The following MND1 variants were observed in gnomAD, a reference collection of about 807,000 sequenced individuals.
MND1 encodes the protein meiotic nuclear divisions 1.
MND1 carries 28 observed loss-of-function variants against 35.1 expected under a neutral mutation model. The ratio of observed to expected loss-of-function variants is 0.80; its 90% CI spans 0.59 to 1.09. MND1 has a LOEUF of 1.09. Among genes scored for constraint, MND1 ranks in the 50% least tolerant of loss-of-function variants. MND1 has a pLI of 0.00. For synonymous variants in MND1, 69 were observed against 70.5 expected (o/e 0.98, Z 0.11); for missense variants, 213 against 239.6 (o/e 0.89, Z 0.73).
chr4:153,349,528 G>A (rs10019214), intron 1 of MND1, among the ~76,000 whole-genome samples: 83,635 of 151,870 alleles, frequency 0.55, 24,975 homozygotes, highest in African/African-American at 0.81. Flanking sequence ...TACAATAACT[G>A]TCCCCCACTG....
At chr4:153,365,101 CA>C (rs5863041) in intron 4 of MND1, among the ~76,000 whole-genome samples, 65,154 of 138,120 alleles carry the variant, frequency 0.47, 15,299 homozygotes, top group African/African-American at 0.65. Context: ...TTGTTGCCAC[CA>C]AAAAAAAAAA....
rs561004288 is a variant in MND1 at position 153,384,443 on chromosome 4, A to ATT, written c.277-9791_277-9790dup. Among the ~76,000 whole-genome samples the ATT allele has an allele frequency of 3.1e-3, 198 of 63,190 alleles. 16 individuals carry two copies. Among genetic ancestry groups the ATT allele is most frequent in the African/African-American group, 5.9e-3 (100 of 16,924 alleles). The allele number at this position is 63,190 out of a possible 152,430, so 41.5% of individuals were successfully genotyped here. On this transcript the variant is annotated intron_variant, in intron 4 of 7. Coordinates refer to ENST00000240488, the MANE Select transcript of MND1 (RefSeq NM_032117.4). ...TGCCACCATGCCCAGCTAATGTTTA[A>ATT]TTTTTTTTTTTTTTTTTTTTTTTTT...
intron 4 of MND1, among the ~76,000 whole-genome samples, chr4:153,385,715 CAAAA>C (rs60037291): frequency 2.4e-5 from 2 of 83,688 alleles, no homozygotes; most frequent in African/African-American, 4.0e-5. Context: ...GACCCTGTCT[CAAAA>C]AAAAAAAAAA....
Position 153,344,714 on chromosome 4 carries a change from A to C in MND1, c.-24A>C, listed in dbSNP as rs773454564. On this transcript the variant is annotated 5_prime_UTR_variant, in exon 1 of 8. Transcript: ENST00000240488. ...CCTCTCCCCAAGCGCGGGCCCGGCC[A>C]GCGGAAGCCCCTGCGCCCGCGCCAT... 5.7e-6 allele frequency: 9 copies of C among 1,586,988 alleles called. No homozygotes were observed. The highest frequency in any genetic ancestry group is 7.7e-6 in the Non-Finnish European group (9 of 1,167,928).
At chr4:153,393,830 CTT>C (rs374029189) in intron 4 of MND1, among the ~76,000 whole-genome samples, 8 of 119,666 alleles carry the variant, frequency 6.7e-5, no homozygotes, top group African/African-American at 1.6e-4. Context: ...TTTTTAAACT[CTT>C]TTTTTTTTTC....
chr4:153,402,997 A>G (rs908837831), intron 6 of MND1, among the ~76,000 whole-genome samples: 2 of 152,206 alleles, frequency 1.3e-5, no homozygotes, highest in Admixed American at 6.5e-5. Context: ...AAAATTAGGC[A>G]TGGTGGCATG....
chr4:153,355,028 G>A (rs1434708596), intron 2 of MND1, among the ~76,000 whole-genome samples: 1 of 152,072 alleles, frequency 6.6e-6, no homozygotes, highest in Non-Finnish European at 1.5e-5. Flanking sequence ...GCCAGGCATG[G>A]TGGTGCATGT....
intron 4 of MND1, among the ~76,000 whole-genome samples, chr4:153,386,675 C>A (rs981557823): frequency 6.6e-6 from 1 of 152,106 alleles, no homozygotes; most frequent in African/African-American, 2.4e-5. Flanking sequence ...GAGATCACAC[C>A]ACTGCACTCC....
At chr4:153,408,559 T>C (rs1305485909) in intron 6 of MND1, among the ~76,000 whole-genome samples, 1 of 152,200 alleles carries the variant, frequency 6.6e-6, no homozygotes, top group Non-Finnish European at 1.5e-5. Context: ...TATTGTGGTC[T>C]TATAATGCCT....
chr4:153,413,555 G>T (rs1298904043), intron 7 of MND1, among the ~76,000 whole-genome samples: 1 of 151,916 alleles, frequency 6.6e-6, no homozygotes, highest in East Asian at 1.9e-4. Flanking sequence ...GTGCACGCCT[G>T]TTGTCTCTGC....
intron 4 of MND1, among the ~76,000 whole-genome samples, chr4:153,370,317 A>G (rs1773759741): frequency 6.6e-6 from 1 of 151,960 alleles, no homozygotes; most frequent in Non-Finnish European, 1.5e-5. Context: ...TTTAAGTATT[A>G]CCATAAGATT....
chr4:153,377,119 C>T (rs1364821601), intron 4 of MND1, among the ~76,000 whole-genome samples: 2 of 152,072 alleles, frequency 1.3e-5, no homozygotes, highest in Non-Finnish European at 2.9e-5. Context: ...CATCCAAGTT[C>T]TGGTTTATAC....
At chr4:153,382,166 A>G (rs1423826387) in intron 4 of MND1, among the ~76,000 whole-genome samples, 1 of 152,152 alleles carries the variant, frequency 6.6e-6, no homozygotes, top group East Asian at 1.9e-4. Context: ...CAGGTTCCTC[A>G]GTATTTATAT....
At chr4:153,389,044 G>C (rs1728947554) in intron 4 of MND1, among the ~76,000 whole-genome samples, 1 of 152,164 alleles carries the variant, frequency 6.6e-6, no homozygotes, top group Non-Finnish European at 1.5e-5. Context: ...AAAGACTAAA[G>C]GCACCACTCA....
At chr4:153,362,868 T>C (rs952493417) in intron 4 of MND1, 3 of 360,282 alleles carry the variant, frequency 8.3e-6, no homozygotes, top group African/African-American at 6.6e-5. Context: ...GACCAATTTT[T>C]ATATTAATTT....
chr4:153,411,142 G>A (rs1460792197), intron 7 of MND1, among the ~76,000 whole-genome samples: 1 of 152,146 alleles, frequency 6.6e-6, no homozygotes, highest in Non-Finnish European at 1.5e-5. Flanking sequence ...TACACTTTAA[G>A]TGTGACTTCA....
chr4:153,350,113 A>T lies in MND1; in HGVS notation c.53A>T (p.Glu18Val). 6.2e-7 allele frequency: 1 copy of T among 1,605,294 alleles called. No individual in the cohort carries two copies. The highest frequency in any genetic ancestry group is 8.5e-7 in the Non-Finnish European group (1 of 1,176,418). The change falls in exon 2 of 8, where the codon GAA becomes GTA. Residue 18 changes from glutamate (E) to valine (V), a missense_variant. Coordinates refer to ENST00000240488, the MANE Select transcript of MND1 (RefSeq NM_032117.4). ...GAAGAAAAGAGAACTCGCATGATGG[A>T]AATATTTTCTGAAACAGTAAGTCAT... The part of the protein sequence containing the change: ...SAEEKRTRMM[E>V]IFSETKDVFQ...
At chr4:153,406,452 G>A (rs544247327) in intron 6 of MND1, among the ~76,000 whole-genome samples, 5 of 151,988 alleles carry the variant, frequency 3.3e-5, no homozygotes, top group Non-Finnish European at 5.9e-5. Flanking sequence ...AACCAGGAAG[G>A]CAGAGGTTGC....
intron 4 of MND1, among the ~76,000 whole-genome samples, chr4:153,362,345 G>A (rs1226811164): frequency 6.6e-6 from 1 of 152,160 alleles, no homozygotes; most frequent in East Asian, 1.9e-4. Flanking sequence ...GAATGGTTTG[G>A]CACCATTCCC....
Sources: allele counts gnomAD v4.1 joint callset (sites outside exome capture counted in the v4.1 genomes callset), GRCh38; gene constraint gnomAD v4.1.1; transcripts MANE v1.5; gene names NCBI Gene and HGNC (gene_info 2026-07-23, HGNC 2026-07-21).